GJA5: variants seen among roughly 807,000 people sequenced by gnomAD.
GJA5 encodes gap junction alpha-5 protein.
Under a neutral mutation model 7.9 loss-of-function variants are expected in GJA5, and 3 were observed. That is an observed-to-expected ratio of 0.38 (90% CI 0.17 to 0.99). The LOEUF is 0.99. Among genes scored for constraint, GJA5 ranks in the 50% least tolerant of loss-of-function variants. GJA5 has a pLI of 0.38. For missense variants in GJA5, 390 were observed against 457.9 expected, an observed-to-expected ratio of 0.85 and a Z score of 1.35; for synonymous variants, 193 against 181.0, an observed-to-expected ratio of 1.07 and a Z score of -0.53.
rs116155008 is a variant in GJA5, at chr1:147,758,441, G to A, written c.798C>T (p.Asp266=). The part of the protein sequence containing the change: ...GIVQSCTPPP[D]FNQCLENGPG... Reference sequence around the variant, plus strand: ...GGCCATTCTCCAGGCACTGATTAAAGTCGGGGGGTGGTGTGCAGCTCTGGA... The same window carrying A: ...GGCCATTCTCCAGGCACTGATTAAAATCGGGGGGTGGTGTGCAGCTCTGGA... The change falls in exon 2 of 2, where the codon GAC becomes GAT. Residue 266 remains aspartate (D), a synonymous_variant. Coordinates refer to ENST00000579774, the MANE Select transcript of GJA5 (RefSeq NM_181703.4). 42 of 1,614,208 alleles carry A rather than the reference G, an allele frequency of 2.6e-5. No homozygotes were observed. The African/African-American group carries it at 5.1e-4, about 19-fold the overall frequency.
chr1:147,763,510 G>T (rs1159754829), upstream of GJA5, among the ~76,000 whole-genome samples: 1 of 152,162 alleles, frequency 6.6e-6, no homozygotes, highest in Non-Finnish European at 1.5e-5. Flanking sequence ...TCTGAAATCA[G>T]CAAGGCAAAA....
chr1:147,769,864 C>G (rs1452308029), intron 1 of GJA5, among the ~76,000 whole-genome samples: 1 of 152,036 alleles, frequency 6.6e-6, no homozygotes, highest in African/African-American at 2.4e-5. Context: ...CTAATGTGTC[C>G]TTAACTCAAG....
Position 147,759,253 on chromosome 1 carries a change from G to A in GJA5, c.-15C>T, listed in dbSNP as rs140502327. 6.4e-6 allele frequency: 10 copies of A among 1,555,588 alleles called. No homozygotes were observed. In the Admixed American group the frequency reaches 1.3e-4, roughly 21 times the overall value. ...CAATCGCCCATCTTGGCACAGCCAG[G>A]GAACAGATGCCAAAACTTCTGCAAA... On this transcript the variant is annotated 5_prime_UTR_variant, in exon 2 of 2. Transcript: ENST00000579774.
chr1:147,771,899 A>G (rs951540541), intron 1 of GJA5, among the ~76,000 whole-genome samples: 1 of 152,180 alleles, frequency 6.6e-6, no homozygotes, highest in Non-Finnish European at 1.5e-5. Flanking sequence ...AGCTGTCCCT[A>G]GAGAGCAGTG....
intron 1 of GJA5, among the ~76,000 whole-genome samples, chr1:147,772,932 ATGGAC>A (rs1365345146): frequency 2.6e-5 from 4 of 152,152 alleles, no homozygotes; most frequent in Non-Finnish European, 5.9e-5. Context: ...GTTCTTGGGA[ATGGAC>A]TGGTGACCCA....
chr1:147,763,209 G>T (rs146166543), upstream of GJA5, among the ~76,000 whole-genome samples: 121 of 152,158 alleles, frequency 8.0e-4, 1 homozygote, highest in African/African-American at 2.8e-3. Context: ...CATTTAATAC[G>T]TTTATTGAGT....
upstream of GJA5, among the ~76,000 whole-genome samples, chr1:147,761,612 C>T (rs1664020503): frequency 6.6e-6 from 1 of 152,238 alleles, no homozygotes; most frequent in South Asian, 2.1e-4. Flanking sequence ...CAGACATCTG[C>T]CCCATTTCCT....
intron 1 of GJA5, among the ~76,000 whole-genome samples, chr1:147,767,056 T>G (rs1234061021): frequency 1.3e-5 from 2 of 152,196 alleles, no homozygotes; most frequent in Non-Finnish European, 2.9e-5. Flanking sequence ...CAGAAGTCTT[T>G]TGTACCTTAT....
intron 1 of GJA5, among the ~76,000 whole-genome samples, chr1:147,769,973 G>C (rs181547999): frequency 2.0e-5 from 3 of 151,780 alleles, no homozygotes; most frequent in East Asian, 2.0e-4. Context: ...TTTTGAATCT[G>C]ATCACCAAGC....
chr1:147,761,316 G>A (rs1033990817), upstream of GJA5, among the ~76,000 whole-genome samples: 4 of 152,206 alleles, frequency 2.6e-5, no homozygotes, highest in South Asian at 8.3e-4. Flanking sequence ...TGCTGCCAAC[G>A]TGCTCCTGGT....
intron 1 of GJA5, among the ~76,000 whole-genome samples, chr1:147,760,239 T>G (rs1209036595): frequency 6.6e-6 from 1 of 152,088 alleles, no homozygotes; most frequent in African/African-American, 2.4e-5. Context: ...TCCCAAAACT[T>G]TATGTCCCTT....
Position 147,759,225 on chromosome 1 carries a change from C to G in GJA5, c.14G>C (p.Ser5Thr). Residue 5 changes from serine (S) to threonine (T), a missense_variant, in exon 2 of 2, where the codon AGC (serine) becomes ACC (threonine). Transcript: ENST00000579774. ...TTCCTCCAGGAAATTTCCCAGGAAG[C>G]TCCAATCGCCCATCTTGGCACAGCC... The part of the protein sequence containing the change: MGDW[S>T]FLGNFLEEVH... The G allele has an allele frequency of 1.2e-6, 2 of 1,613,072 alleles. No homozygotes were observed. Among genetic ancestry groups the G allele is most frequent in the Non-Finnish European group, 1.7e-6 (2 of 1,179,178 alleles).
rs886045247 is a variant in GJA5, at chr1:147,757,798, G to A, written c.*364C>T. ...TCAAGGAGGTAGGAACTTAGAGAAC[G>A]CATTTGGTATGCTGCTGGTATGTAG... is the stretch of plus-strand genomic sequence containing the variant. On this transcript the variant is annotated 3_prime_UTR_variant, in exon 2 of 2. Coordinates refer to ENST00000579774, the MANE Select transcript of GJA5 (RefSeq NM_181703.4). 2 of 297,570 alleles carry A rather than the reference G, an allele frequency of 6.7e-6. No individual in the cohort carries two copies. The highest frequency in any genetic ancestry group is 6.4e-6 in the Non-Finnish European group (1 of 155,886). 18.4% of individuals were successfully genotyped at this position (297,570 alleles called of 1,614,324 possible). A position where few individuals can be genotyped will look rare whatever the true frequency, so the allele number is the denominator to read the frequency against.
At chr1:147,770,656 C>G (rs1026830073) in intron 1 of GJA5, among the ~76,000 whole-genome samples, 2 of 152,120 alleles carry the variant, frequency 1.3e-5, no homozygotes, top group Non-Finnish European at 2.9e-5. Context: ...AAATGTGACT[C>G]CAAATGCCCA....
chr1:147,771,533 G>A (rs1664402362), intron 1 of GJA5, among the ~76,000 whole-genome samples: 1 of 152,194 alleles, frequency 6.6e-6, no homozygotes, highest in South Asian at 2.1e-4. Context: ...TCAGACCTTA[G>A]GCAGTACTAG....
chr1:147,758,246 G>A lies in GJA5; in HGVS notation c.993C>T (p.His331=), dbSNP rs1454856229. 1.2e-6 allele frequency: 2 copies of A among 1,614,164 alleles called. No individual in the cohort carries two copies. Among genetic ancestry groups the A allele is most frequent in the African/African-American group, 2.7e-5 (2 of 75,040 alleles). ...CACTATGATAGCCATGGGGAAGGCGGTGACCTGGTGAGACTCCATTGGGCA... is the reference window on the plus strand; with the variant it reads ...CACTATGATAGCCATGGGGAAGGCGATGACCTGGTGAGACTCCATTGGGCA... ...PEVPNGVSPG[H]RLPHGYHSDK... Residue 331 remains histidine, a synonymous_variant, in exon 2 of 2, where the codon CAC becomes CAT. Transcript: ENST00000579774.
At chr1:147,771,381 G>C (rs1334847685) in intron 1 of GJA5, among the ~76,000 whole-genome samples, 2 of 152,142 alleles carry the variant, frequency 1.3e-5, no homozygotes, top group African/African-American at 4.8e-5. Context: ...TGAGTGAGCA[G>C]GGCAGGGTGC....
At position 147,758,798 on chromosome 1, in the gene GJA5, G is replaced by A; in HGVS notation, c.441C>T (p.Gly147=). Residue 147 remains glycine, a synonymous_variant, in exon 2 of 2, where the codon GGC becomes GGT. Coordinates refer to ENST00000579774, the MANE Select transcript of GJA5 (RefSeq NM_181703.4). ...TGCACACATAGGTGTTGAGCAGAGT[G>A]CCCTGGAGGGCAATCCTTCCATTCC... The part of the protein sequence containing the change: ...EEGNGRIALQ[G]TLLNTYVCSI... The A allele has an allele frequency of 2.5e-6, 4 of 1,614,186 alleles. No individual in the cohort carries two copies. Among genetic ancestry groups the A allele is most frequent in the Non-Finnish European group, 3.4e-6 (4 of 1,180,026 alleles).
upstream of GJA5, among the ~76,000 whole-genome samples, chr1:147,764,877 T>A (rs1664145908): frequency 4.0e-5 from 6 of 151,674 alleles, 1 homozygote; most frequent in South Asian, 1.3e-3. Context: ...TTCTGTCAAG[T>A]ATTTAACAGC....
Sources: allele counts gnomAD v4.1 joint callset (sites outside exome capture counted in the v4.1 genomes callset), GRCh38; gene constraint gnomAD v4.1.1; transcripts MANE v1.5; gene names NCBI Gene and HGNC (gene_info 2026-07-23, HGNC 2026-07-21).